Variants in TRPM7 observed in about 807,000 individuals in gnomAD.
TRPM7 encodes LTRPC ion channel family member 7.
Under a neutral mutation model 229.7 loss-of-function variants are expected in TRPM7, and 134 were observed. The ratio of observed to expected loss-of-function variants is 0.58; its 90% CI spans 0.51 to 0.67. The LOEUF is 0.67. Among genes scored for constraint, TRPM7 ranks in the 30% least tolerant of loss-of-function variants. The probability of loss-of-function intolerance (pLI) is 0.00; values close to 1 mark genes in which losing one functional copy is unlikely to be tolerated. For missense variants in TRPM7, 1,901 were observed against 2,210.0 expected (o/e 0.86, Z 2.80); for synonymous variants, 699 against 715.2 (o/e 0.98, Z 0.36).
At chr15:50,590,926 T>C (rs1469363379) in intron 26 of TRPM7, among the ~76,000 whole-genome samples, 3 of 152,200 alleles carry the variant, frequency 2.0e-5, no homozygotes, top group African/African-American at 7.2e-5. Flanking sequence ...TCAACATGTT[T>C]AGTGCCTAGA....
chr15:50,614,478 C>T (rs920965212), intron 13 of TRPM7, among the ~76,000 whole-genome samples: 1 of 152,056 alleles, frequency 6.6e-6, no homozygotes, highest in Non-Finnish European at 1.5e-5. Context: ...GCCTGACCAA[C>T]ATGATGAAAC....
chr15:50,683,014 C>A (rs1485557063), intron 1 of TRPM7, among the ~76,000 whole-genome samples: 1 of 151,794 alleles, frequency 6.6e-6, no homozygotes, highest in Admixed American at 6.6e-5. Flanking sequence ...TCCCAAGTAG[C>A]TGGGACCACA....
intron 1 of TRPM7, among the ~76,000 whole-genome samples, chr15:50,666,476 A>G (rs2061884246): frequency 6.6e-6 from 1 of 151,538 alleles, no homozygotes; most frequent in African/African-American, 2.4e-5. Flanking sequence ...GAGGAAGAGG[A>G]AGAAGAGGAA....
In TRPM7 at chr15:50,580,915, T is replaced by A; in HGVS notation, c.4558-7A>T. ...GTCTATCTTGTAACCAATCCTTCAGTAAAAAAAAAACACACACACACAAAA... is the reference window on the plus strand; with the variant it reads ...GTCTATCTTGTAACCAATCCTTCAGAAAAAAAAAAACACACACACACAAAA... On this transcript the variant is annotated splice_polypyrimidine_tract_variant and splice_region_variant and intron_variant, in intron 29 of 38. Transcript: ENST00000646667. 7.1e-7 allele frequency: 1 copy of A among 1,403,410 alleles called. No individual in the cohort carries two copies. Among genetic ancestry groups the A allele is most frequent in the Non-Finnish European group, 9.6e-7 (1 of 1,043,346 alleles). The allele number at this position is 1,403,410 out of a possible 1,614,324, so 86.9% of individuals were successfully genotyped here.
intron 1 of TRPM7, among the ~76,000 whole-genome samples, chr15:50,679,524 AT>A (rs2062190338): frequency 2.2e-5 from 1 of 45,680 alleles, no homozygotes; most frequent in African/African-American, 1.0e-4. Context: ...ATATATATAT[AT>A]ATATATATAT....
chr15:50,632,809 G>A, intron 9 of TRPM7, 60 bp downstream of exon 9: 1 of 1,426,622 alleles, frequency 7.0e-7, no homozygotes, highest in Non-Finnish European at 9.3e-7. Flanking sequence ...TTTAGAATGT[G>A]TTTTGAATGA....
At chr15:50,590,642 G>A (rs930564968) in intron 26 of TRPM7, among the ~76,000 whole-genome samples, 4 of 151,946 alleles carry the variant, frequency 2.6e-5, no homozygotes, top group Non-Finnish European at 5.9e-5. Flanking sequence ...TTAACAAATA[G>A]GCTAAAATGC....
chr15:50,673,656 G>C (rs941758896), intron 1 of TRPM7, among the ~76,000 whole-genome samples: 2 of 150,890 alleles, frequency 1.3e-5, no homozygotes, highest in African/African-American at 5.0e-5. Context: ...ATATACCACA[G>C]TTTCTTTATC....
chr15:50,597,793 G>A (rs1203727792), intron 22 of TRPM7, among the ~76,000 whole-genome samples: 1 of 151,934 alleles, frequency 6.6e-6, no homozygotes, highest in East Asian at 1.9e-4. Flanking sequence ...ATGGTATGCA[G>A]CTGTAATCCC....
At chr15:50,650,735 C>G (rs575894518) in intron 3 of TRPM7, among the ~76,000 whole-genome samples, 1 of 151,866 alleles carries the variant, frequency 6.6e-6, no homozygotes, top group South Asian at 2.1e-4. Context: ...ACCTAGACAG[C>G]CCATGCCCTG....
At chr15:50,661,721 T>G (rs1416323879) in intron 2 of TRPM7, among the ~76,000 whole-genome samples, 3 of 152,000 alleles carry the variant, frequency 2.0e-5, no homozygotes, top group Non-Finnish European at 4.4e-5. Context: ...CTAACAGAAA[T>G]GAAAGTTGCA....
intron 21 of TRPM7, chr15:50,599,617 CACAG>C (rs1473617097): frequency 1.1e-5 from 2 of 182,582 alleles, no homozygotes; most frequent in Non-Finnish European, 2.3e-5. Context: ...AGTACAGAGA[CACAG>C]ACAGATTTAG....
intron 21 of TRPM7, among the ~76,000 whole-genome samples, chr15:50,602,142 G>A (rs974749316): frequency 2.0e-5 from 3 of 151,834 alleles, no homozygotes; most frequent in South Asian, 2.1e-4. Context: ...CCAAATGTCC[G>A]TCAATGATAG....
intron 21 of TRPM7, chr15:50,603,918 T>G (rs1240796180): frequency 6.6e-6 from 1 of 152,222 alleles, no homozygotes; most frequent in Non-Finnish European, 1.5e-5. Flanking sequence ...ACACATGTGT[T>G]CATACACATC....
chr15:50,662,472 A>T (rs2140918927), intron 2 of TRPM7, among the ~76,000 whole-genome samples: 1 of 152,342 alleles, frequency 6.6e-6, no homozygotes, highest in Admixed American at 6.5e-5. Flanking sequence ...AAAGACACAG[A>T]CACCTATAGT....
intron 36 of TRPM7, among the ~76,000 whole-genome samples, chr15:50,573,993 G>A: frequency 6.6e-6 from 1 of 150,992 alleles, no homozygotes; most frequent in East Asian, 2.0e-4. Flanking sequence ...GGAGGCGGAA[G>A]TTGCAGTGAG....
intron 27 of TRPM7, among the ~76,000 whole-genome samples, chr15:50,588,637 G>A (rs1163375482): frequency 6.6e-6 from 1 of 152,120 alleles, no homozygotes; most frequent in Non-Finnish European, 1.5e-5. Context: ...CACTGTGTAT[G>A]TCACTTAACA....
At chr15:50,579,492 CTT>C (rs2054299613) in intron 30 of TRPM7, among the ~76,000 whole-genome samples, 1 of 152,196 alleles carries the variant, frequency 6.6e-6, no homozygotes, top group African/African-American at 2.4e-5. Context: ...ATCAATCACT[CTT>C]TTCTCAGCAC....
intron 10 of TRPM7, among the ~76,000 whole-genome samples, chr15:50,629,798 T>A (rs766172754): frequency 3.3e-5 from 5 of 151,500 alleles, no homozygotes; most frequent in African/African-American, 1.2e-4. Context: ...TTGAACACAG[T>A]GGTTAATACA....
Sources: allele counts gnomAD v4.1 joint callset (sites outside exome capture counted in the v4.1 genomes callset), GRCh38; gene constraint gnomAD v4.1.1; transcripts MANE v1.5; gene names NCBI Gene and HGNC (gene_info 2026-07-23, HGNC 2026-07-21).